Variants in SFR1 observed in about 807,000 individuals in gnomAD.
SFR1 encodes the protein SWI5 dependent homologous recombination repair protein 1, also known as swi5-dependent recombination DNA repair protein 1 homolog.
In SFR1, 24 loss-of-function variants were observed where a neutral mutation model predicts 26.2. The ratio of observed to expected loss-of-function variants is 0.92; its 90% CI spans 0.66 to 1.29. SFR1 has a LOEUF of 1.29. SFR1 is among the 50% of genes most tolerant of loss of function. The pLI, the probability that SFR1 is intolerant of heterozygous loss-of-function variation, is 0.00. For missense variants in SFR1, 276 were observed against 270.2 expected (o/e 1.02, Z -0.15); for synonymous variants, 77 against 96.6 (o/e 0.80, Z 1.19).
chr10:104,122,513 C>G lies in SFR1; in HGVS notation c.13+317C>G, dbSNP rs529795218. 1.9e-5 allele frequency: 19 copies of G among 985,396 alleles called. No homozygotes were observed. In the African/African-American group the frequency reaches 3.1e-4, roughly 16 times the overall value. 61.0% of individuals were successfully genotyped at this position (985,396 alleles called of 1,614,324 possible). A position where few individuals can be genotyped will look rare whatever the true frequency, so the allele number is the denominator to read the frequency against. ...CGTCTCCGCTGTGTTTCTTATGCCT[C>G]GGGCCGGCAGGGTAACGGGTTCTAG... On this transcript the variant is annotated intron_variant, in intron 1 of 3. Transcript: ENST00000369727.
chr10:104,123,793 TTAAAG>T lies in SFR1; in HGVS notation c.218_222del (p.Lys73ArgfsTer3). The stretch of plus-strand genomic sequence containing the variant: ...TCCTCTTACAATGTGGTGAAACGTC[TTAAAG>T]TAGAGAGTGAAGAAAATGATCAGAC... On this transcript the variant is annotated frameshift_variant, in exon 3 of 4. Transcript: ENST00000369727. LOFTEE classifies it high-confidence loss of function. 1.2e-6 allele frequency: 2 copies of T among 1,612,658 alleles called. No homozygotes were observed. The highest frequency in any genetic ancestry group is 1.7e-6 in the Non-Finnish European group (2 of 1,179,676).
chr10:104,123,054 T>TC lies in SFR1; in HGVS notation c.104dup (p.Ser36IlefsTer6). On this transcript the variant is annotated frameshift_variant, in exon 2 of 4. Transcript: ENST00000369727. LOFTEE classifies it high-confidence loss of function. The stretch of plus-strand genomic sequence containing the variant: ...CACTCCTCAGGCCTCTGCGAATCCA[T>TC]CATCTCCCTATACAAATAGTTCCCG... 1 of 1,601,062 alleles carries TC rather than the reference T, an allele frequency of 6.2e-7. No homozygotes were observed. The highest frequency in any genetic ancestry group is 8.5e-7 in the Non-Finnish European group (1 of 1,175,768).
upstream of SFR1, among the ~76,000 whole-genome samples, chr10:104,121,457 GTGGACCCCAACGC>G (rs2086959854): frequency 6.6e-6 from 1 of 152,212 alleles, no homozygotes; most frequent in African/African-American, 2.4e-5. Context: ...TGTTTGAAAT[GTGGACCCCAACGC>G]TGGAACCCAA....
Position 104,123,772 on chromosome 10 carries a change from C to T in SFR1, c.194C>T (p.Ser65Phe), listed in dbSNP as rs1474081632. Residue 65 changes from serine to phenylalanine, a missense_variant, in exon 3 of 4, where the codon TCT becomes TTT. By Grantham distance (155) the Ser-to-Phe change is radical (BLOSUM62 -2). Coordinates refer to ENST00000369727, the MANE Select transcript of SFR1 (RefSeq NM_001002759.2). ...LRKTRFSFNSSYNVVKRLKVE... is the reference protein window; with the variant it reads ...LRKTRFSFNSFYNVVKRLKVE... Reference sequence around the variant, plus strand: ...AAAACAAGATTTTCATTTAATTCCTCTTACAATGTGGTGAAACGTCTTAAA... The same window carrying T: ...AAAACAAGATTTTCATTTAATTCCTTTTACAATGTGGTGAAACGTCTTAAA... 4.3e-6 allele frequency: 7 copies of T among 1,609,674 alleles called. No individual in the cohort carries two copies. The highest frequency in any genetic ancestry group is 4.5e-5 in the East Asian group (2 of 44,822).
chr10:104,124,217 A>G (rs2087001751), intron 3 of SFR1, 93 bp downstream of exon 3: 1 of 1,118,202 alleles, frequency 8.9e-7, no homozygotes, highest in African/African-American at 1.6e-5. Flanking sequence ...TTTTACCATA[A>G]TAAGCAATAA....
chr10:104,122,428 A>T (rs1589591887), intron 1 of SFR1: 1 of 984,824 alleles, frequency 1.0e-6, no homozygotes. Flanking sequence ...ATTTCAGTCC[A>T]CTCTCCTTTT....
rs1022836733 is a variant in SFR1 at position 104,122,621 on chromosome 10, A to G, written c.14-344A>G. On this transcript the variant is annotated intron_variant, in intron 1 of 3. Coordinates refer to ENST00000369727, the MANE Select transcript of SFR1 (RefSeq NM_001002759.2). The stretch of plus-strand genomic sequence containing the variant: ...GGTTTCGGCTATAGCTTCTTGAATT[A>G]TGAAGCTGTCATAATAAAGAATTCC... The G allele has an allele frequency of 3.1e-6, 4 of 1,310,676 alleles. No individual in the cohort carries two copies. The Admixed American group carries it at 1.0e-4, about 33-fold the overall frequency. 81.2% of individuals were successfully genotyped at this position (1,310,676 alleles called of 1,614,324 possible).
In SFR1 at chr10:104,125,414, G is replaced by A. The variant is rs2087014365; in HGVS notation, c.547-99G>A. The A allele has an allele frequency of 1.3e-5, 11 of 877,614 alleles. No homozygotes were observed. The East Asian group carries it at 2.1e-4, about 17-fold the overall frequency. The allele number at this position is 877,614 out of a possible 1,614,324, so 54.4% of individuals were successfully genotyped here. A position where few individuals can be genotyped will look rare whatever the true frequency, so the allele number is the denominator to read the frequency against. On this transcript the variant is annotated intron_variant, in intron 3 of 3. Transcript: ENST00000369727. ...AGAAGTCCCATTCATCCCTGTGTATGTTAGCCTTTAAACCTGCACATCCAC... is the reference window on the plus strand; with the variant it reads ...AGAAGTCCCATTCATCCCTGTGTATATTAGCCTTTAAACCTGCACATCCAC...
In SFR1 at chr10:104,125,365, T is replaced by C. The variant is rs576731841; in HGVS notation, c.547-148T>C. ...AGTGACATTGTAACCATTCTACATATGACCATCCTACTTTTTCCTAGATAG... is the reference window on the plus strand; with the variant it reads ...AGTGACATTGTAACCATTCTACATACGACCATCCTACTTTTTCCTAGATAG... On this transcript the variant is annotated intron_variant, in intron 3 of 3. Coordinates refer to ENST00000369727, the MANE Select transcript of SFR1 (RefSeq NM_001002759.2). 4.4e-5 allele frequency: 27 copies of C among 616,098 alleles called. 1 individual carries two copies. Among genetic ancestry groups the C allele is most frequent in the Admixed American group, 4.2e-4 (14 of 32,978 alleles). 38.2% of individuals were successfully genotyped at this position (616,098 alleles called of 1,614,324 possible).
In SFR1 at chr10:104,125,759, C is replaced by G. The variant is rs2087020286; in HGVS notation, c.*55C>G. ...AGAATGACAACTTAATTAAAAGATA[C>G]TTAGGCACTTTTTTTTTTTTTTTGA... is the stretch of plus-strand genomic sequence containing the variant. On this transcript the variant is annotated 3_prime_UTR_variant, in exon 4 of 4. Transcript: ENST00000369727. The G allele has an allele frequency of 8.3e-7, 1 of 1,202,940 alleles. No individual in the cohort carries two copies. 74.5% of individuals were successfully genotyped at this position (1,202,940 alleles called of 1,614,324 possible).
Position 104,126,035 on chromosome 10 carries a change from G to GATAGCTAATTTCCACT in SFR1, c.*331_*332insATAGCTAATTTCCACT, listed in dbSNP as rs2087024403. ...CCGCCTAGGCCTCCCAAAACCATTA[G>GATAGCTAATTTCCACT]GGCTCAGAGGAAGGTATCCCAATGA... On this transcript the variant is annotated 3_prime_UTR_variant, in exon 4 of 4. Transcript: ENST00000369727. 1 of 161,394 alleles carries GATAGCTAATTTCCACT rather than the reference G, an allele frequency of 6.2e-6. No homozygotes were observed. Among genetic ancestry groups the GATAGCTAATTTCCACT allele is most frequent in the African/African-American group, 2.4e-5 (1 of 41,578 alleles). The allele number at this position is 161,394 out of a possible 1,614,324, so 10.0% of individuals were successfully genotyped here. A position where few individuals can be genotyped will look rare whatever the true frequency, so the allele number is the denominator to read the frequency against.
chr10:104,121,477 C>G (rs1234244581), upstream of SFR1, among the ~76,000 whole-genome samples: 1 of 152,160 alleles, frequency 6.6e-6, no homozygotes, highest in African/African-American at 2.4e-5. Flanking sequence ...ACGCTGGAAC[C>G]CAACGCTGTT....
intron 3 of SFR1, among the ~76,000 whole-genome samples, chr10:104,124,574 AT>A (rs1314275412): frequency 6.7e-6 from 1 of 150,296 alleles, no homozygotes; most frequent in Admixed American, 6.6e-5. Context: ...TATATATTAT[AT>A]TTTAGATTTC....
At chr10:104,120,812 C>T (rs555365112), upstream of SFR1, among the ~76,000 whole-genome samples, 54 of 152,290 alleles carry the variant, frequency 3.5e-4, no homozygotes, top group African/African-American at 1.3e-3. Context: ...CCTAATCATT[C>T]CCTTAGGTAG....
At position 104,122,172 on chromosome 10, in the gene SFR1, C is replaced by T. The variant is rs760330851; in HGVS notation, c.-12C>T. On this transcript the variant is annotated 5_prime_UTR_variant, in exon 1 of 4. Transcript: ENST00000369727. Reference sequence around the variant, plus strand: ...GGCCGCAGGTGCGCGCGCTTTTTTGCTCTCGCTGGGAATGGCGGAGGGAGG... The same window carrying T: ...GGCCGCAGGTGCGCGCGCTTTTTTGTTCTCGCTGGGAATGGCGGAGGGAGG... 1.5e-4 allele frequency: 235 copies of T among 1,549,202 alleles called. 3 individuals are homozygous for T. The South Asian group carries it at 2.7e-3, about 18-fold the overall frequency.
upstream of SFR1, among the ~76,000 whole-genome samples, chr10:104,120,677 C>T (rs1169912576): frequency 1.3e-5 from 2 of 152,158 alleles, no homozygotes; most frequent in African/African-American, 4.8e-5. Context: ...CACCAGTTCT[C>T]ATTTAATTCT....
intron 3 of SFR1, among the ~76,000 whole-genome samples, chr10:104,124,565 A>C (rs1285911567): frequency 6.7e-6 from 1 of 149,890 alleles, no homozygotes; most frequent in Admixed American, 6.7e-5. Flanking sequence ...ATATATATAT[A>C]TATATTATAT....
Position 104,122,958 on chromosome 10 carries a change from T to G in SFR1, c.14-7T>G. The G allele has an allele frequency of 1.9e-6, 3 of 1,612,300 alleles. No individual in the cohort carries two copies. The highest frequency in any genetic ancestry group is 2.5e-6 in the Non-Finnish European group (3 of 1,178,786). On this transcript the variant is annotated splice_polypyrimidine_tract_variant and splice_region_variant and intron_variant, in intron 1 of 3. Transcript: ENST00000369727. Reference sequence around the variant, plus strand: ...AATTCGATTATTTTATAATTTTTCTTTTTTAGAGAAAAACCAAGATTTCAC... The same window carrying G: ...AATTCGATTATTTTATAATTTTTCTGTTTTAGAGAAAAACCAAGATTTCAC...
chr10:104,124,089 C>G lies in SFR1; in HGVS notation c.511C>G (p.Arg171Gly), dbSNP rs199745956. The change falls in exon 3 of 4, where the codon CGG (arginine) becomes GGG (glycine). Residue 171 changes from arginine to glycine, a missense_variant. Transcript: ENST00000369727. ...KQVQEKEDLL[R>G]RLKLVKMYRS... is the part of the protein sequence containing the mutation. ...GGTTCAGGAGAAAGAAGACCTTCTTCGGAGGCTAAAACTAGTCAAAATGTA... is the reference window on the plus strand; with the variant it reads ...GGTTCAGGAGAAAGAAGACCTTCTTGGGAGGCTAAAACTAGTCAAAATGTA... 1 of 1,612,618 alleles carries G rather than the reference C, an allele frequency of 6.2e-7. No homozygotes were observed. Among genetic ancestry groups the G allele is most frequent in the Non-Finnish European group, 8.5e-7 (1 of 1,179,550 alleles).
Sources: allele counts gnomAD v4.1 joint callset (sites outside exome capture counted in the v4.1 genomes callset), GRCh38; gene constraint gnomAD v4.1.1; transcripts MANE v1.5; gene names NCBI Gene and HGNC (gene_info 2026-07-23, HGNC 2026-07-21).